The following SLC13A5 variants were observed in gnomAD, a reference collection of about 807,000 sequenced individuals.
The protein encoded by SLC13A5 is solute carrier family 13 member 5, also known as Na(+)/citrate cotransporter.
Under a neutral mutation model 56.5 loss-of-function variants are expected in SLC13A5, and 25 were observed. The ratio of observed to expected loss-of-function variants is 0.44; its 90% confidence interval spans 0.32 to 0.62. SLC13A5 has a LOEUF of 0.62. Ranked by LOEUF, SLC13A5 falls within the 20% of genes least tolerant of loss-of-function variation. SLC13A5 has a pLI of 0.04. For missense variants in SLC13A5, 649 were observed against 737.8 expected (o/e 0.88, Z 1.39); for synonymous variants, 307 against 301.5 (o/e 1.02, Z -0.19).
rs550427245 is a variant in SLC13A5 at position 6,711,412 on chromosome 17, C to G, written c.102+1820G>C. Among the ~76,000 whole-genome samples the G allele has an allele frequency of 2.0e-5, 2 of 99,894 alleles. No homozygotes were observed. The highest frequency in any genetic ancestry group is 7.2e-5 in the African/African-American group (2 of 27,802). 65.5% of individuals were successfully genotyped at this position (99,894 alleles called of 152,430 possible). On this transcript the variant is annotated intron_variant, in intron 1 of 11. Transcript: ENST00000433363. The surrounding 1 kb of genome is among the most constrained non-coding windows in gnomAD (Gnocchi z 4.0). ...CCTCACTCAAAGGACAGCTTAATCTCTCTCTCTCTCTCTCTTACACACACA... is the reference window on the plus strand; with the variant it reads ...CCTCACTCAAAGGACAGCTTAATCTGTCTCTCTCTCTCTCTTACACACACA...
At position 6,690,604 on chromosome 17, in the gene SLC13A5, G is replaced by A. The variant is rs141194772; in HGVS notation, c.1437+175C>T. Among the ~76,000 whole-genome samples the A allele has an allele frequency of 2.4e-3, 363 of 152,320 alleles. 5 individuals carry two copies. The highest frequency in any genetic ancestry group is 8.0e-3 in the African/African-American group (331 of 41,568). ...GTACAAAGAGGAGTGGCAAAGCAGTGGAGGCCTCAGGGGCAGAGGCATCCA... is the reference window on the plus strand; with the variant it reads ...GTACAAAGAGGAGTGGCAAAGCAGTAGAGGCCTCAGGGGCAGAGGCATCCA... On this transcript the variant is annotated intron_variant, in intron 10 of 11. Coordinates refer to ENST00000433363, the MANE Select transcript of SLC13A5 (RefSeq NM_177550.5).
At chr17:6,691,064 T>A in intron 9 of SLC13A5, 124 bp from the exon 10 acceptor site, 4 of 1,036,612 alleles carry the variant, frequency 3.9e-6, no homozygotes, top group South Asian at 1.7e-5. Context: ...GGTGACCTCA[T>A]CCATTCCCAC....
In SLC13A5 at chr17:6,707,014, T is replaced by C. The variant is rs891676866; in HGVS notation, c.231+14A>G. On this transcript the variant is annotated intron_variant, in intron 2 of 11. Transcript: ENST00000433363. The stretch of plus-strand genomic sequence containing the variant: ...AGAACCAGAAAGTCACCAGGATCCC[T>C]TGGGTCTGCTCACCTGCCTGGAGTC... The C allele has an allele frequency of 6.2e-6, 10 of 1,613,458 alleles. No individual in the cohort carries two copies. The African/African-American group carries it at 1.3e-4, about 22-fold the overall frequency.
intron 6 of SLC13A5, 146 bp downstream of exon 6, chr17:6,700,858 G>T: frequency 2.5e-6 from 3 of 1,195,882 alleles, no homozygotes; most frequent in Non-Finnish European, 3.5e-6. Context: ...GAAGGAACAG[G>T]AGGGCAGACT....
rs377090828 is a variant in SLC13A5 at position 6,702,955 on chromosome 17, C to A, written c.716+15G>T. ...CCCACTTCGTTGTCCCCAGAAGGTG[C>A]GACCAAGGACTCACTCGTTCATCTG... is the stretch of plus-strand genomic sequence containing the variant. On this transcript the variant is annotated intron_variant, in intron 5 of 11. Transcript: ENST00000433363. 7 of 1,605,186 alleles carry A rather than the reference C, an allele frequency of 4.4e-6. No homozygotes were observed. The highest frequency in any genetic ancestry group is 1.7e-4 in the Middle Eastern group (1 of 6,038).
In SLC13A5 at chr17:6,686,339, CT is replaced by C; in HGVS notation, c.1576-2del. The C allele has an allele frequency of 6.2e-7, 1 of 1,614,072 alleles. No homozygotes were observed. The highest frequency in any genetic ancestry group is 8.5e-7 in the Non-Finnish European group (1 of 1,179,960). On this transcript the variant is annotated splice_acceptor_variant, in intron 11 of 11. Transcript: ENST00000433363. LOFTEE classifies it high-confidence loss of function. Reference sequence around the variant, plus strand: ...TGTTCATTATGACTCCTGTTTTCACCTGGAAAAGAGACAGAGTCAGCACCCT... The same window carrying C: ...TGTTCATTATGACTCCTGTTTTCACCGGAAAAGAGACAGAGTCAGCACCCT...
chr17:6,709,255 A>G (rs1417381925), intron 1 of SLC13A5, among the ~76,000 whole-genome samples: 2 of 150,888 alleles, frequency 1.3e-5, no homozygotes, highest in African/African-American at 4.9e-5. Context: ...TTATTTATTT[A>G]TTTATTTATT....
chr17:6,700,586 T>G (rs1266912125), intron 6 of SLC13A5, among the ~76,000 whole-genome samples: 3 of 152,150 alleles, frequency 2.0e-5, no homozygotes, highest in Non-Finnish European at 4.4e-5. Context: ...CTGCTCTTCC[T>G]CCCTGTGCTG....
rs941552722 is a variant in SLC13A5, at chr17:6,713,283, C to G, written c.51G>C (p.Leu17Phe). The stretch of plus-strand genomic sequence containing the variant: ...GCAGCAGCAGGAGCGGGGTGACGAA[C>G]AAGATCACGAAGGACTTGAACTTGG... Reference protein sequence around the residue: ...YVSKFKSFVILFVTPLLLLPL... With the variant: ...YVSKFKSFVIFFVTPLLLLPL... The change falls in exon 1 of 12, where the codon TTG becomes TTC. Residue 17 changes from leucine to phenylalanine, a missense_variant. By Grantham distance (22) the Leu-to-Phe change is conservative. Coordinates refer to ENST00000433363, the MANE Select transcript of SLC13A5 (RefSeq NM_177550.5). This position sits in a 1 kb window ranked among gnomAD's most constrained non-coding sequence, Gnocchi z 7.3. The G allele has an allele frequency of 1.2e-6, 2 of 1,614,052 alleles. No homozygotes were observed. The highest frequency in any genetic ancestry group is 1.7e-6 in the Non-Finnish European group (2 of 1,179,964).
chr17:6,704,924 T>C (rs376519920), intron 3 of SLC13A5: 1 of 152,854 alleles, frequency 6.5e-6, no homozygotes, highest in African/African-American at 2.4e-5. Flanking sequence ...CCTTGGGCTG[T>C]GAGCAGGGCA....
chr17:6,698,484 G>A (rs1327198769), intron 6 of SLC13A5, among the ~76,000 whole-genome samples: 5 of 152,276 alleles, frequency 3.3e-5, no homozygotes, highest in Middle Eastern at 6.8e-3. Flanking sequence ...GGGCAGCCCC[G>A]GCCCCAACTA....
chr17:6,689,273 C>A (rs1443343923), intron 10 of SLC13A5: 1 of 152,242 alleles, frequency 6.6e-6, no homozygotes, highest in Admixed American at 6.5e-5. Flanking sequence ...TCTTCGCTGG[C>A]GCGTCTCCCC....
At chr17:6,702,602 A>G (rs891894268) in intron 5 of SLC13A5, among the ~76,000 whole-genome samples, 16 of 152,212 alleles carry the variant, frequency 1.1e-4, no homozygotes, top group Middle Eastern at 3.2e-3. Context: ...CCAAGGACCC[A>G]GCGTCTGGAA....
At chr17:6,696,066 A>C (rs1973553625) in intron 6 of SLC13A5, 125 bp from the exon 7 acceptor site, 1 of 825,854 alleles carries the variant, frequency 1.2e-6, no homozygotes, top group Non-Finnish European at 1.9e-6. Context: ...CTCGCCTGCT[A>C]TGGGGCCTGG....
intron 1 of SLC13A5, among the ~76,000 whole-genome samples, chr17:6,707,683 A>G (rs1973907831): frequency 6.6e-6 from 1 of 152,108 alleles, no homozygotes; most frequent in Non-Finnish European, 1.5e-5. Flanking sequence ...CCATTGTTCT[A>G]AGAGAAGTGA....
In SLC13A5 at chr17:6,684,931, T is replaced by C. The variant is rs915060511; in HGVS notation, c.*1276A>G. 3 of 152,134 alleles carry C rather than the reference T, an allele frequency of 2.0e-5. No homozygotes were observed. Among genetic ancestry groups the C allele is most frequent in the Non-Finnish European group, 4.4e-5 (3 of 68,036 alleles). 9.4% of individuals were successfully genotyped at this position (152,134 alleles called of 1,614,324 possible). On this transcript the variant is annotated 3_prime_UTR_variant, in exon 12 of 12. Coordinates refer to ENST00000433363, the MANE Select transcript of SLC13A5 (RefSeq NM_177550.5). ...GCACAAGAAGGAAATAAAATGGACT[T>C]GCGGGGGAAAGAAGATGCTTGTCTC...
At chr17:6,710,171 G>T (rs183824587) in intron 1 of SLC13A5, among the ~76,000 whole-genome samples, 28 of 152,352 alleles carry the variant, frequency 1.8e-4, no homozygotes, top group African/African-American at 6.5e-4. Flanking sequence ...GCTTGGTGTC[G>T]GGGTGTACCC....
rs1337136890 is a variant in SLC13A5, at chr17:6,691,883, G to A, written c.1276-943C>T. Among the ~76,000 whole-genome samples the A allele has an allele frequency of 2.0e-5, 3 of 152,222 alleles. No individual in the cohort carries two copies. In the East Asian group the frequency reaches 5.8e-4, roughly 29 times the overall value. On this transcript the variant is annotated intron_variant, in intron 9 of 11. Coordinates refer to ENST00000433363, the MANE Select transcript of SLC13A5 (RefSeq NM_177550.5). The stretch of plus-strand genomic sequence containing the variant: ...CAAGTCCACACCCCTCTATCTTGGG[G>A]CCCTCAGAGAAGTGGCTTCTGGTAG...
intron 5 of SLC13A5, among the ~76,000 whole-genome samples, chr17:6,702,062 G>A (rs1362057233): frequency 1.3e-5 from 2 of 152,154 alleles, no homozygotes; most frequent in Non-Finnish European, 2.9e-5. Context: ...AAACACTCCC[G>A]AAATTAAAAC....
Sources: gnomAD v4.1 joint callset for allele counts (sites outside exome capture counted in the v4.1 genomes callset) on GRCh38, gnomAD v4.1.1 for gene constraint, Gnocchi (gnomAD v3.1) non-coding constraint, MANE v1.5 for transcripts, NCBI Gene and HGNC (gene_info 2026-07-23, HGNC 2026-07-21) for gene names.